Variants in PTPRD observed in about 807,000 individuals in gnomAD.
PTPRD encodes the protein receptor-type tyrosine-protein phosphatase delta.
Under a neutral mutation model 214.5 loss-of-function variants are expected in PTPRD, and 34 were observed. The observed-to-expected ratio is 0.16, with a 90% confidence interval of 0.12 to 0.21. PTPRD has a LOEUF of 0.21. Ranked by LOEUF, PTPRD falls within the 10% of genes least tolerant of loss-of-function variation. PTPRD has a pLI of 1.00. For missense variants in PTPRD, 2,545 were observed against 2,398.7 expected, an observed-to-expected ratio of 1.06 and a Z score of -1.27; for synonymous variants, 1,128 against 845.7, an observed-to-expected ratio of 1.33 and a Z score of -5.79.
At chr9:9,649,565 A>G (rs2096281230) in intron 7 of PTPRD, among the ~76,000 whole-genome samples, 1 of 152,210 alleles carries the variant, frequency 6.6e-6, no homozygotes, top group Admixed American at 6.5e-5. Flanking sequence ...GGCAAAATGT[A>G]TATCTACCCT....
intron 2 of PTPRD, among the ~76,000 whole-genome samples, chr9:10,473,491 A>C (rs1162995308): frequency 6.6e-6 from 1 of 152,134 alleles, no homozygotes; most frequent in Non-Finnish European, 1.5e-5. Flanking sequence ...AAAACTAATG[A>C]ACAAGACTGA....
At chr9:8,902,562 G>C (rs35114587) in intron 11 of PTPRD, among the ~76,000 whole-genome samples, 37,803 of 151,686 alleles carry the variant, frequency 0.25, 6,855 homozygotes, top group African/African-American at 0.5. Context: ...CCAGGCTGGT[G>C]TTGAATTCCT....
intron 14 of PTPRD, among the ~76,000 whole-genome samples, chr9:8,603,206 T>C (rs1486555840): frequency 6.6e-6 from 1 of 152,232 alleles, no homozygotes; most frequent in Non-Finnish European, 1.5e-5. Context: ...AGTTGCTTAA[T>C]TCAGTCTTTG....
intron 2 of PTPRD, among the ~76,000 whole-genome samples, chr9:10,364,492 A>G (rs1243436060): frequency 6.6e-6 from 1 of 152,126 alleles, no homozygotes; most frequent in Non-Finnish European, 1.5e-5. Flanking sequence ...TATTTATACA[A>G]ATTTTAAAAA....
At chr9:9,234,909 C>A (rs2099965595) in intron 9 of PTPRD, among the ~76,000 whole-genome samples, 1 of 152,200 alleles carries the variant, frequency 6.6e-6, no homozygotes, top group African/African-American at 2.4e-5. Flanking sequence ...CAACCTCTGA[C>A]TGTTACCCAT....
chr9:9,279,841 G>T (rs1296094961), intron 9 of PTPRD, among the ~76,000 whole-genome samples: 1 of 150,816 alleles, frequency 6.6e-6, no homozygotes, highest in African/African-American at 2.4e-5. Context: ...TAAAACTATG[G>T]TCATACTTAT....
intron 10 of PTPRD, among the ~76,000 whole-genome samples, chr9:9,103,840 G>A (rs571969652): frequency 6.6e-6 from 1 of 152,158 alleles, no homozygotes; most frequent in Admixed American, 6.5e-5. Flanking sequence ...AAATTAGCTG[G>A]GCGTGGTGAT....
intron 14 of PTPRD, among the ~76,000 whole-genome samples, chr9:8,566,002 A>C (rs1025010003): frequency 6.6e-6 from 1 of 152,156 alleles, no homozygotes; most frequent in Non-Finnish European, 1.5e-5. Flanking sequence ...TGAAGGTTAT[A>C]AACCAGGGCT....
At chr9:8,432,914 G>C (rs2095148714) in intron 35 of PTPRD, among the ~76,000 whole-genome samples, 1 of 152,218 alleles carries the variant, frequency 6.6e-6, no homozygotes, top group South Asian at 2.1e-4. Context: ...GTGCATAGCA[G>C]CATTGCCAGC....
chr9:10,508,064 A>G (rs1374020708), intron 2 of PTPRD, among the ~76,000 whole-genome samples: 3 of 152,230 alleles, frequency 2.0e-5, no homozygotes, highest in African/African-American at 7.2e-5. Context: ...ACAAAGGGCT[A>G]ATATCCACAA....
At chr9:9,127,120 C>A (rs551718106) in intron 10 of PTPRD, among the ~76,000 whole-genome samples, 58 of 150,910 alleles carry the variant, frequency 3.8e-4, no homozygotes, top group African/African-American at 1.4e-3. Context: ...ACACAGGTAC[C>A]CACACACACA....
chr9:8,421,869 CGGGCGTGATG>C (rs2094388069), intron 35 of PTPRD, among the ~76,000 whole-genome samples: 1 of 150,920 alleles, frequency 6.6e-6, no homozygotes, highest in Non-Finnish European at 1.5e-5. Context: ...TGAATTTGCC[CGGGCGTGATG>C]GCTCACACCT....
At chr9:9,900,576 G>A (rs1460667341) in intron 5 of PTPRD, among the ~76,000 whole-genome samples, 2 of 151,570 alleles carry the variant, frequency 1.3e-5, no homozygotes, top group Admixed American at 6.6e-5. Context: ...GTCTTCTTGA[G>A]AGCCCTCCAA....
At chr9:8,911,415 T>TTGTGTGTGTGTGTGTG (rs757801073) in intron 11 of PTPRD, among the ~76,000 whole-genome samples, 1 of 127,630 alleles carries the variant, frequency 7.8e-6, no homozygotes, top group East Asian at 2.5e-4. Context: ...TGTGTGTGTG[T>TTGTGTGTGTGTGTGTG]TGTGTGTGTG....
chr9:8,676,019 A>T (rs935617366), intron 12 of PTPRD, among the ~76,000 whole-genome samples: 7 of 152,272 alleles, frequency 4.6e-5, no homozygotes, highest in African/African-American at 1.7e-4. Flanking sequence ...CCGTCGTTCT[A>T]TCCCATTTTG....
At chr9:9,209,363 A>G (rs916438455) in intron 9 of PTPRD, among the ~76,000 whole-genome samples, 2 of 152,224 alleles carry the variant, frequency 1.3e-5, no homozygotes, top group African/African-American at 4.8e-5. Flanking sequence ...AGAGATCAGA[A>G]GAGGGAAATA....
At chr9:9,519,384 A>G (rs2154253008) in intron 8 of PTPRD, among the ~76,000 whole-genome samples, 1 of 152,092 alleles carries the variant, frequency 6.6e-6, no homozygotes, top group East Asian at 1.9e-4. Context: ...CCAGAGAGAG[A>G]AAGAATCAAC....
chr9:8,763,121 G>T (rs761087208), intron 11 of PTPRD, among the ~76,000 whole-genome samples: 5 of 152,080 alleles, frequency 3.3e-5, no homozygotes, highest in Non-Finnish European at 7.4e-5. Flanking sequence ...GCCAAAGATG[G>T]TTTCAAGCTA....
At chr9:8,492,215 G>A (rs997280252) in intron 27 of PTPRD, among the ~76,000 whole-genome samples, 1 of 152,110 alleles carries the variant, frequency 6.6e-6, no homozygotes, top group African/African-American at 2.4e-5. Context: ...AATGACAAAA[G>A]GTAGAACTGT....
Sources: gnomAD v4.1 joint callset for allele counts (sites outside exome capture counted in the v4.1 genomes callset) on GRCh38, gnomAD v4.1.1 for gene constraint, MANE v1.5 for transcripts, NCBI Gene and HGNC (gene_info 2026-07-23, HGNC 2026-07-21) for gene names.